CTNNA2: variants seen among roughly 807,000 people sequenced by gnomAD.
The protein encoded by CTNNA2 is catenin alpha 2.
CTNNA2 carries 42 observed loss-of-function variants against 101.0 expected under a neutral mutation model. The ratio of observed to expected loss-of-function variants is 0.42; its 90% confidence interval spans 0.32 to 0.54. The LOEUF is 0.54. Ranked by LOEUF, CTNNA2 falls within the 20% of genes least tolerant of loss-of-function variation. The pLI is 0.14. For synonymous variants in CTNNA2, 450 were observed against 456.4 expected, an observed-to-expected ratio of 0.99 and a Z score of 0.18; for missense variants, 871 against 1,223.1, an observed-to-expected ratio of 0.71 and a Z score of 4.29.
intron 3 of CTNNA2, among the ~76,000 whole-genome samples, chr2:79,792,688 A>T (rs2105259773): frequency 6.6e-6 from 1 of 152,282 alleles, no homozygotes; most frequent in Non-Finnish European, 1.5e-5. Flanking sequence ...ATTGTCCTAG[A>T]TTGAACATTT....
At chr2:80,128,862 C>G (rs1702267702) in intron 7 of CTNNA2, among the ~76,000 whole-genome samples, 1 of 152,148 alleles carries the variant, frequency 6.6e-6, no homozygotes, top group East Asian at 1.9e-4. Context: ...AGGAGAATGT[C>G]TTAAAGTCCA....
chr2:79,604,880 A>G (rs1427835572), intron 1 of CTNNA2, among the ~76,000 whole-genome samples: 1 of 152,214 alleles, frequency 6.6e-6, no homozygotes, highest in Non-Finnish European at 1.5e-5. Flanking sequence ...TGTTTCAAGT[A>G]ACTTAACTGT....
Position 79,745,249 on chromosome 2 carries a change from G to A in CTNNA2, c.298+667G>A, listed in dbSNP as rs140037229. The stretch of plus-strand genomic sequence containing the variant: ...AGTTCAAGACCAGCCTGGGCAACAC[G>A]GTGAAACCCTGTCTCTACTAAAATA... On this transcript the variant is annotated intron_variant, in intron 3 of 18. Coordinates refer to ENST00000402739, the MANE Select transcript of CTNNA2 (RefSeq NM_001282597.3). Among the ~76,000 whole-genome samples the A allele has an allele frequency of 4.1e-3, 624 of 152,140 alleles. 4 individuals carry two copies. The highest frequency in any genetic ancestry group is 4.8e-3 in the Non-Finnish European group (326 of 67,988).
chr2:79,420,445 A>G (rs1400067151), intron 4 of CTNNA2, among the ~76,000 whole-genome samples: 2 of 152,218 alleles, frequency 1.3e-5, no homozygotes, highest in Non-Finnish European at 2.9e-5. Context: ...CAACCACACT[A>G]GAAATGGACT....
intron 15 of CTNNA2, among the ~76,000 whole-genome samples, chr2:80,600,959 C>A (rs748820913): frequency 6.6e-6 from 1 of 152,148 alleles, no homozygotes; most frequent in African/African-American, 2.4e-5. Flanking sequence ...CCTTTATTCT[C>A]GACTAGTTGT....
chr2:80,080,948 TA>T (rs79785271), intron 7 of CTNNA2, among the ~76,000 whole-genome samples: 3,551 of 87,478 alleles, frequency 0.041, 75 homozygotes, highest in African/African-American at 0.09. Context: ...TTCTCCCACT[TA>T]AAAAAAAAAA....
At chr2:79,582,796 C>T (rs1428735002) in intron 1 of CTNNA2, among the ~76,000 whole-genome samples, 2 of 152,218 alleles carry the variant, frequency 1.3e-5, no homozygotes, top group East Asian at 3.9e-4. Flanking sequence ...CTTCTAGGTG[C>T]ACAGTTCTGT....
intron 7 of CTNNA2, among the ~76,000 whole-genome samples, chr2:80,359,079 A>C (rs1674133791): frequency 6.6e-6 from 1 of 152,096 alleles, no homozygotes; most frequent in Non-Finnish European, 1.5e-5. Context: ...CAAAACAAAA[A>C]AAACCTTTTT....
intron 8 of CTNNA2, among the ~76,000 whole-genome samples, chr2:80,411,400 G>A (rs1028469165): frequency 6.6e-6 from 1 of 152,006 alleles, no homozygotes; most frequent in South Asian, 2.1e-4. Flanking sequence ...TTCTACCTCT[G>A]GTAGGATCAC....
At chr2:80,606,924 G>A (rs1573439274) in intron 16 of CTNNA2, among the ~76,000 whole-genome samples, 1 of 151,796 alleles carries the variant, frequency 6.6e-6, no homozygotes, top group Non-Finnish European at 1.5e-5. Flanking sequence ...CCGTGTATGG[G>A]TCCCTGGAGT....
intron 3 of CTNNA2, among the ~76,000 whole-genome samples, chr2:79,776,232 G>A (rs376086397): frequency 1.2e-4 from 18 of 151,438 alleles, no homozygotes; most frequent in African/African-American, 3.7e-4. Flanking sequence ...GCCTTAGATT[G>A]GTGTCTAATA....
intron 4 of CTNNA2, among the ~76,000 whole-genome samples, chr2:79,417,209 A>C (rs1678494109): frequency 6.6e-6 from 1 of 152,110 alleles, no homozygotes; most frequent in African/African-American, 2.4e-5. Flanking sequence ...TGTTTAGGGA[A>C]GATTAGAACA....
chr2:79,978,659 C>T (rs1418362946), intron 7 of CTNNA2, among the ~76,000 whole-genome samples: 1 of 152,018 alleles, frequency 6.6e-6, no homozygotes, highest in African/African-American at 2.4e-5. Context: ...CATTTGCTTC[C>T]CAGTCTACAC....
chr2:79,520,472 G>A (rs1173639258), intron 1 of CTNNA2, among the ~76,000 whole-genome samples: 4 of 152,052 alleles, frequency 2.6e-5, no homozygotes, highest in Non-Finnish European at 5.9e-5. Flanking sequence ...GACCCAAAAA[G>A]CACTAATCAT....
At chr2:80,455,274 C>T (rs1683867985) in intron 9 of CTNNA2, among the ~76,000 whole-genome samples, 1 of 152,178 alleles carries the variant, frequency 6.6e-6, no homozygotes, top group Admixed American at 6.5e-5. Context: ...TGGCGTAGAG[C>T]CACTGGGCAG....
At chr2:79,366,509 A>G (rs1176466773) in intron 3 of CTNNA2, among the ~76,000 whole-genome samples, 2 of 152,228 alleles carry the variant, frequency 1.3e-5, no homozygotes, top group South Asian at 2.1e-4. Flanking sequence ...ACGGAGAGCT[A>G]TTCCTCAGTG....
chr2:80,215,534 C>A lies in CTNNA2; in HGVS notation c.1057-177677C>A, dbSNP rs148342562. On this transcript the variant is annotated intron_variant, in intron 7 of 18. Coordinates refer to ENST00000402739, the MANE Select transcript of CTNNA2 (RefSeq NM_001282597.3). ...GAGTTTGCTGGAGGTCGACTCCAGA[C>A]GCTGTTTGCCTGGGTAACACCAGCT... 4.6e-3 allele frequency among the ~76,000 whole-genome samples: 704 copies of A among 152,314 alleles called. 4 individuals carry two copies. Among genetic ancestry groups the A allele is most frequent in the African/African-American group, 0.016 (661 of 41,562 alleles).
At chr2:80,353,951 C>A (rs916199060) in intron 7 of CTNNA2, among the ~76,000 whole-genome samples, 6 of 152,088 alleles carry the variant, frequency 3.9e-5, no homozygotes, top group African/African-American at 1.4e-4. Context: ...TTCACTGACA[C>A]AAGCTCTCTG....
At chr2:80,610,227 T>C (rs1698345154) in intron 17 of CTNNA2, among the ~76,000 whole-genome samples, 1 of 151,702 alleles carries the variant, frequency 6.6e-6, no homozygotes, top group Non-Finnish European at 1.5e-5. Context: ...TAGTCTGCTG[T>C]CTTTGCCAAT....
Sources: allele counts gnomAD v4.1 joint callset (sites outside exome capture counted in the v4.1 genomes callset), GRCh38; gene constraint gnomAD v4.1.1; transcripts MANE v1.5; gene names NCBI Gene and HGNC (gene_info 2026-07-23, HGNC 2026-07-21).